The following RTL4 variants were observed in gnomAD, a reference collection of about 807,000 sequenced individuals.
The protein encoded by RTL4 is retrotransposon Gag-like protein 4.
Under a neutral mutation model 5.3 loss-of-function variants are expected in RTL4, and 4 were observed. The observed-to-expected ratio is 0.75, with a 90% confidence interval of 0.37 to 1.72. RTL4 has a LOEUF of 1.72. RTL4 is among the 40% of genes most tolerant of loss of function. The pLI is 0.04. For synonymous variants in RTL4, 98 were observed against 87.3 expected, an observed-to-expected ratio of 1.12 and a Z score of -0.68; for missense variants, 260 against 227.1, an observed-to-expected ratio of 1.14 and a Z score of -0.93.
the RTL4 span, among the ~76,000 whole-genome samples, chrX:112,184,324 A>C: frequency 1.8e-5 from 2 of 111,507 alleles, no homozygotes; most frequent in African/African-American, 6.5e-5. Context: ...CACGTTGTGC[A>C]CATGTACCCT....
the RTL4 span, among the ~76,000 whole-genome samples, chrX:112,406,501 G>A: frequency 1.8e-5 from 2 of 110,764 alleles, no homozygotes; most frequent in Non-Finnish European, 3.8e-5. Flanking sequence ...ATAAGGGGAC[G>A]GTGCTAAACC....
At chrX:112,235,253 C>T in the RTL4 span, among the ~76,000 whole-genome samples, 3 of 111,723 alleles carry the variant, frequency 2.7e-5, no homozygotes, top group Non-Finnish European at 5.6e-5. Context: ...CAAATAGCTA[C>T]CCTAGGCCAA....
the RTL4 span, among the ~76,000 whole-genome samples, chrX:112,254,331 T>C: frequency 1.0e-5 from 1 of 99,840 alleles, no homozygotes. Context: ...TAAACTTCTT[T>C]TTAATTTTTT....
At chrX:112,242,681 C>G in the RTL4 span, among the ~76,000 whole-genome samples, 1 of 111,289 alleles carries the variant, frequency 9.0e-6, no homozygotes, top group South Asian at 3.8e-4. Flanking sequence ...ATAGAATACC[C>G]TTTATTTTTT....
the RTL4 span, among the ~76,000 whole-genome samples, chrX:112,380,553 G>C: frequency 2.7e-5 from 3 of 112,167 alleles, no homozygotes; most frequent in South Asian, 1.1e-3. Context: ...AGTTTGGATT[G>C]TTTCCAGTTT....
chrX:112,277,414 T>C, the RTL4 span, among the ~76,000 whole-genome samples: 1 of 111,611 alleles, frequency 9.0e-6, no homozygotes, highest in Non-Finnish European at 1.9e-5. Flanking sequence ...TTAAAAACAA[T>C]ATAAAGCCCA....
chrX:112,345,304 C>T, the RTL4 span, among the ~76,000 whole-genome samples: 7 of 111,222 alleles, frequency 6.3e-5, no homozygotes, highest in East Asian at 2.0e-3. Context: ...CTACAATTCC[C>T]TTGAGTTCAG....
chrX:112,454,862 C>G lies in RTL4; in HGVS notation c.134C>G (p.Pro45Arg), dbSNP rs762946145. The change falls in exon 1 of 1, where the codon CCT becomes CGT. Residue 45 changes from proline to arginine, a missense_variant. Physicochemically the swap from Pro to Arg is moderately radical, Grantham distance 103. Transcript: ENST00000340433. ...ACTGCTAAAAGGGGCCAAGTCATGC[C>G]TGCCCTGGCCACCACAGTGATGCCT... is the stretch of plus-strand genomic sequence containing the variant. 20 of 1,211,067 alleles carry G rather than the reference C, an allele frequency of 1.7e-5. No individual in the cohort carries two copies. The highest frequency in any genetic ancestry group is 2.2e-5 in the Non-Finnish European group (20 of 895,183).
At chrX:112,156,018 A>C in the RTL4 span, among the ~76,000 whole-genome samples, 1 of 112,272 alleles carries the variant, frequency 8.9e-6, no homozygotes, top group Non-Finnish European at 1.9e-5. Context: ...TACTTACAGC[A>C]TTTAGTGGCT....
the RTL4 span, among the ~76,000 whole-genome samples, chrX:112,367,845 C>A: frequency 9.0e-6 from 1 of 111,713 alleles, no homozygotes; most frequent in East Asian, 2.8e-4. Context: ...AGACTTCCTG[C>A]AGGATATGAT....
the RTL4 span, among the ~76,000 whole-genome samples, chrX:112,166,076 G>A: frequency 8.9e-6 from 1 of 111,907 alleles, no homozygotes; most frequent in Non-Finnish European, 1.9e-5. Context: ...CTGAGTAATT[G>A]ATATGGTGCT....
the RTL4 span, among the ~76,000 whole-genome samples, chrX:112,103,460 G>C: frequency 9.0e-6 from 1 of 111,104 alleles, no homozygotes; most frequent in African/African-American, 3.3e-5. Flanking sequence ...AGAAAGAATA[G>C]TTAAGGGATG....
At chrX:112,218,974 A>G in the RTL4 span, among the ~76,000 whole-genome samples, 3 of 111,927 alleles carry the variant, frequency 2.7e-5, no homozygotes, top group South Asian at 7.4e-4. Context: ...TATAGGTGAT[A>G]GAGTTGTTTT....
the RTL4 span, among the ~76,000 whole-genome samples, chrX:112,090,426 A>G: frequency 3.6e-5 from 4 of 111,329 alleles, no homozygotes; most frequent in Non-Finnish European, 7.6e-5. Flanking sequence ...CTTTCGGTTC[A>G]TACTTTGTTG....
the RTL4 span, among the ~76,000 whole-genome samples, chrX:112,263,567 T>C: frequency 8.9e-6 from 1 of 112,270 alleles, no homozygotes; most frequent in Admixed American, 9.5e-5. Flanking sequence ...GCAGTATTTG[T>C]CTTTCTGTGT....
chrX:112,349,600 T>C, the RTL4 span, among the ~76,000 whole-genome samples: 3 of 101,446 alleles, frequency 3.0e-5, no homozygotes, highest in Non-Finnish European at 4.0e-5. Context: ...GTTGGATTCC[T>C]AGGTATTTTA....
the RTL4 span, among the ~76,000 whole-genome samples, chrX:112,168,151 C>G: frequency 9.0e-6 from 1 of 111,062 alleles, no homozygotes; most frequent in East Asian, 2.8e-4. Context: ...GGCTAAGCAC[C>G]ACTGCACTTT....
chrX:112,219,638 T>C, the RTL4 span, among the ~76,000 whole-genome samples: 1 of 112,468 alleles, frequency 8.9e-6, no homozygotes, highest in Non-Finnish European at 1.9e-5. Context: ...AAGGAGACTA[T>C]TTGAAAAAAT....
At chrX:112,159,498 G>A in the RTL4 span, among the ~76,000 whole-genome samples, 4 of 111,609 alleles carry the variant, frequency 3.6e-5, no homozygotes, top group African/African-American at 9.8e-5. Context: ...GACATCCAGC[G>A]GGGAAATAGC....
Sources: allele counts gnomAD v4.1 joint callset (sites outside exome capture counted in the v4.1 genomes callset), GRCh38; gene constraint gnomAD v4.1.1; transcripts MANE v1.5; gene names NCBI Gene and HGNC (gene_info 2026-07-23, HGNC 2026-07-21).